The following RABGAP1L variants were observed in gnomAD, a reference collection of about 807,000 sequenced individuals.
RABGAP1L encodes the protein rab GTPase-activating protein 1-like.
A neutral mutation model predicts 137.7 loss-of-function variants in RABGAP1L; 63 were observed. That is an observed-to-expected ratio of 0.46 (90% CI 0.37 to 0.56). RABGAP1L has a LOEUF of 0.56. Among genes scored for constraint, RABGAP1L ranks in the 20% least tolerant of loss-of-function variants. RABGAP1L has a pLI of 0.00. For synonymous variants in RABGAP1L, 431 were observed against 433.7 expected, an observed-to-expected ratio of 0.99 and a Z score of 0.08; for missense variants, 1,095 against 1,244.0, an observed-to-expected ratio of 0.88 and a Z score of 1.80.
intron 11 of RABGAP1L, among the ~76,000 whole-genome samples, chr1:174,351,050 C>T (rs6697377): frequency 0.23 from 23,068 of 99,456 alleles, 2,982 homozygotes; most frequent in Admixed American, 0.31. Flanking sequence ...GCTTCGGCTC[C>T]GCATGAGAGG....
intron 14 of RABGAP1L, among the ~76,000 whole-genome samples, chr1:174,665,138 G>GT (rs1451697332): frequency 1.3e-5 from 2 of 152,080 alleles, no homozygotes; most frequent in Non-Finnish European, 2.9e-5. Context: ...TTATAGTTAG[G>GT]TTTTATAGTC....
intron 14 of RABGAP1L, among the ~76,000 whole-genome samples, chr1:174,649,354 A>G (rs1157711803): frequency 6.6e-6 from 1 of 151,796 alleles, no homozygotes. Context: ...TTTCCTCTCC[A>G]TATTTAGTGC....
rs546138773 is a variant in RABGAP1L, at chr1:174,794,254, C to T, written c.2212-17578C>T. Among the ~76,000 whole-genome samples, 165 of 152,272 alleles carry T rather than the reference C, an allele frequency of 1.1e-3. 1 individual carries two copies. The highest frequency in any genetic ancestry group is 3.4e-3 in the Middle Eastern group (1 of 294). On this transcript the variant is annotated intron_variant, in intron 18 of 25. Coordinates refer to ENST00000681986, the MANE Select transcript of RABGAP1L (RefSeq NM_001366446.1). ...TTGATGTGTCTGTGTCTTAGTGAAC[C>T]GAAGAGGCAGGTGATCTGACAGGAA...
Position 174,394,009 on chromosome 1 carries a change from G to A in RABGAP1L, c.1574G>A (p.Gly525Asp), listed in dbSNP as rs1418005961. 9 of 1,613,330 alleles carry A rather than the reference G, an allele frequency of 5.6e-6. No individual in the cohort carries two copies. The highest frequency in any genetic ancestry group is 7.6e-6 in the Non-Finnish European group (9 of 1,179,618). Residue 525 changes from glycine (G) to aspartate (D), a missense_variant, in exon 13 of 26, where the codon GGT becomes GAT. By Grantham distance (94) the Gly-to-Asp change is moderately conservative (BLOSUM62 -1). This residue lies in a region of RABGAP1L where 315 missense variants were observed against 324.8 expected (regional missense o/e 0.97). Coordinates refer to ENST00000681986, the MANE Select transcript of RABGAP1L (RefSeq NM_001366446.1). ...TGTCTTCTCAGGCACAGTAACCTTG[G>A]TGCACGACCGAAAGGGCTGTCTACT... ...ELLGKWHSNL[G>D]ARPKGLSTLV...
intron 18 of RABGAP1L, among the ~76,000 whole-genome samples, chr1:174,769,996 A>C (rs895873027): frequency 1.3e-5 from 2 of 152,208 alleles, no homozygotes; most frequent in Admixed American, 1.3e-4. Flanking sequence ...GAAGTTGGGA[A>C]TGTAGTTTCT....
rs573869016 is a variant in RABGAP1L at position 174,893,797 on chromosome 1, ATAT to A, written c.2341-63654_2341-63652del. Among the ~76,000 whole-genome samples, 10 of 152,326 alleles carry A rather than the reference ATAT, an allele frequency of 6.6e-5. No homozygotes were observed. In the South Asian group the frequency reaches 2.1e-3, roughly 32 times the overall value. On this transcript the variant is annotated intron_variant, in intron 19 of 25. Transcript: ENST00000681986. ...AAAGCTCTCTTCTGGAAGAATCCTA[ATAT>A]TATTAATAGCAAGTCTTCCACTTGT...
At chr1:174,393,958 A>G in intron 12 of RABGAP1L, 37 bp from the exon 13 acceptor site, 1 of 1,600,556 alleles carries the variant, frequency 6.2e-7, no homozygotes, top group Non-Finnish European at 8.5e-7. Flanking sequence ...AGGAGTTGTA[A>G]AGGAAGTGTG....
intron 18 of RABGAP1L, among the ~76,000 whole-genome samples, chr1:174,782,157 A>G (rs1344888888): frequency 1.3e-5 from 2 of 152,194 alleles, no homozygotes; most frequent in East Asian, 3.8e-4. Flanking sequence ...TACCTTGGGC[A>G]GTATGGCCAT....
chr1:174,312,367 C>A (rs1678940468), intron 11 of RABGAP1L, among the ~76,000 whole-genome samples: 2 of 152,198 alleles, frequency 1.3e-5, no homozygotes, highest in South Asian at 4.1e-4. Context: ...TTTTCATATG[C>A]CTGTTTGCCA....
chr1:174,467,221 T>C (rs1657399959), intron 13 of RABGAP1L, among the ~76,000 whole-genome samples: 1 of 152,180 alleles, frequency 6.6e-6, no homozygotes, highest in Admixed American at 6.5e-5. Context: ...GTCTAGAATT[T>C]TACTAGATGA....
chr1:174,172,637 G>C (rs1199161323), intron 1 of RABGAP1L, among the ~76,000 whole-genome samples: 1 of 152,074 alleles, frequency 6.6e-6, no homozygotes, highest in East Asian at 1.9e-4. Context: ...TTGGCCCTTT[G>C]TATGTCTTCT....
intron 14 of RABGAP1L, among the ~76,000 whole-genome samples, chr1:174,662,859 A>C (rs1395534989): frequency 1.3e-5 from 2 of 152,244 alleles, no homozygotes; most frequent in Non-Finnish European, 2.9e-5. Flanking sequence ...TAAATAAAAC[A>C]GCTTAAAAAG....
intron 13 of RABGAP1L, among the ~76,000 whole-genome samples, chr1:174,404,108 C>T (rs1648972378): frequency 6.6e-6 from 1 of 152,178 alleles, no homozygotes; most frequent in Middle Eastern, 3.4e-3. Flanking sequence ...TTGAGGAGTC[C>T]AGCCTAGGGA....
At chr1:174,642,814 T>G (rs1674653906) in intron 14 of RABGAP1L, among the ~76,000 whole-genome samples, 1 of 142,398 alleles carries the variant, frequency 7.0e-6, no homozygotes, top group Admixed American at 7.2e-5. Context: ...CTTCGGGGTC[T>G]TGTTCTGTTG....
chr1:174,172,143 CT>C (rs375305871), intron 1 of RABGAP1L, among the ~76,000 whole-genome samples: 8,437 of 120,630 alleles, frequency 0.07, 820 homozygotes, highest in African/African-American at 0.23. Flanking sequence ...ACAGTATCTC[CT>C]TTTTTTTTTT....
chr1:174,418,134 ACCG>A (rs1356405150), intron 13 of RABGAP1L, among the ~76,000 whole-genome samples: 3 of 152,174 alleles, frequency 2.0e-5, no homozygotes, highest in Non-Finnish European at 4.4e-5. Flanking sequence ...TGTGTTGCTT[ACCG>A]GTGCTTAGTG....
At chr1:174,513,284 G>A (rs1662515489) in intron 13 of RABGAP1L, among the ~76,000 whole-genome samples, 1 of 151,938 alleles carries the variant, frequency 6.6e-6, no homozygotes, top group Non-Finnish European at 1.5e-5. Context: ...GCCACTTAAT[G>A]GATTATTTAC....
chr1:174,966,309 GTCTTA>G (rs1328501009), intron 20 of RABGAP1L, among the ~76,000 whole-genome samples: 1 of 152,134 alleles, frequency 6.6e-6, no homozygotes, highest in African/African-American at 2.4e-5. Flanking sequence ...TATTGAAGTA[GTCTTA>G]TCTTAGTTTC....
intron 21 of RABGAP1L, among the ~76,000 whole-genome samples, chr1:174,970,847 A>G (rs1156256529): frequency 1.3e-5 from 2 of 152,218 alleles, no homozygotes; most frequent in African/African-American, 4.8e-5. Context: ...GTAGGGGAGA[A>G]TGACAGTTTG....
Sources: allele counts gnomAD v4.1 joint callset (sites outside exome capture counted in the v4.1 genomes callset), GRCh38; gene constraint gnomAD v4.1.1; regional missense constraint gnomAD v4.1.1; transcripts MANE v1.5; gene names NCBI Gene and HGNC (gene_info 2026-07-23, HGNC 2026-07-21).